Variants in AGBL1 observed in about 807,000 individuals in gnomAD.
AGBL1 encodes the protein cytosolic carboxypeptidase 4.
Under a neutral mutation model 118.9 loss-of-function variants are expected in AGBL1, and 130 were observed. The observed-to-expected ratio is 1.09, with a 90% CI of 0.95 to 1.26. AGBL1 has a LOEUF of 1.26. Ranked by LOEUF, AGBL1 falls within the 50% of genes most tolerant of loss-of-function variation. AGBL1 has a pLI of 0.00. For missense variants in AGBL1, 1,584 were observed against 1,298.1 expected (o/e 1.22, Z -3.38); for synonymous variants, 555 against 478.9 (o/e 1.16, Z -2.08).
At chr15:86,763,538 T>C (rs2078056577) in intron 22 of AGBL1, among the ~76,000 whole-genome samples, 1 of 151,996 alleles carries the variant, frequency 6.6e-6, no homozygotes, top group African/African-American at 2.4e-5. Flanking sequence ...GCTATAGGAC[T>C]TCAGAGATTG....
intron 22 of AGBL1, among the ~76,000 whole-genome samples, chr15:86,836,586 C>T (rs1186529080): frequency 1.3e-5 from 2 of 152,136 alleles, no homozygotes; most frequent in Admixed American, 6.5e-5. Flanking sequence ...TTATCTTCTC[C>T]TTCAAGCCAT....
At chr15:86,284,472 A>C (rs2079409661) in intron 16 of AGBL1, among the ~76,000 whole-genome samples, 1 of 152,164 alleles carries the variant, frequency 6.6e-6, no homozygotes, top group African/African-American at 2.4e-5. Flanking sequence ...GGACAGTTTG[A>C]GGAAGCTCAT....
intron 17 of AGBL1, among the ~76,000 whole-genome samples, chr15:86,350,658 C>A (rs923467199): frequency 4.6e-5 from 7 of 152,112 alleles, no homozygotes; most frequent in Non-Finnish European, 1.0e-4. Context: ...GGGCCATGGT[C>A]TCAGGAGTCC....
intron 22 of AGBL1, among the ~76,000 whole-genome samples, chr15:86,781,496 A>G (rs1265724370): frequency 4.6e-5 from 7 of 152,208 alleles, no homozygotes; most frequent in Admixed American, 3.9e-4. Context: ...GCTCAAAACC[A>G]GTAATTATCA....
intron 23 of AGBL1, among the ~76,000 whole-genome samples, chr15:86,922,769 A>G (rs2080493494): frequency 6.6e-6 from 1 of 152,272 alleles, no homozygotes; most frequent in African/African-American, 2.4e-5. Context: ...ATTCATAATG[A>G]AACAATCCAG....
At chr15:86,444,313 G>A (rs191134151) in intron 18 of AGBL1, among the ~76,000 whole-genome samples, 306 of 152,142 alleles carry the variant, frequency 2.0e-3, no homozygotes, top group African/African-American at 7.0e-3. Context: ...AGAATATCCC[G>A]CCCCAATAAG....
intron 19 of AGBL1, among the ~76,000 whole-genome samples, chr15:86,527,948 C>G (rs2083289138): frequency 6.6e-6 from 1 of 152,190 alleles, no homozygotes; most frequent in Non-Finnish European, 1.5e-5. Flanking sequence ...TCCATTCATC[C>G]ATCCAACCAC....
chr15:86,442,912 G>A (rs2082081148), intron 18 of AGBL1, among the ~76,000 whole-genome samples: 2 of 152,200 alleles, frequency 1.3e-5, no homozygotes, highest in Admixed American at 1.3e-4. Flanking sequence ...CTGTGTAGAA[G>A]GGTTTCTCCT....
chr15:86,973,635 A>G (rs1160136109), intron 23 of AGBL1, among the ~76,000 whole-genome samples: 1 of 151,898 alleles, frequency 6.6e-6, no homozygotes, highest in East Asian at 1.9e-4. Flanking sequence ...TTACACAGAC[A>G]TAGCCATAGT....
intron 23 of AGBL1, among the ~76,000 whole-genome samples, chr15:86,960,963 G>A (rs144120265): frequency 1.2e-4 from 19 of 152,122 alleles, no homozygotes; most frequent in African/African-American, 3.9e-4. Context: ...TTGGTTAAGG[G>A]TCTCCAAACT....
intron 18 of AGBL1, among the ~76,000 whole-genome samples, chr15:86,483,562 G>A (rs1243541502): frequency 2.0e-5 from 3 of 152,068 alleles, no homozygotes; most frequent in Non-Finnish European, 4.4e-5. Context: ...TGTCCCTTCA[G>A]TCCATTAGGG....
intron 22 of AGBL1, among the ~76,000 whole-genome samples, chr15:86,870,842 G>C (rs1470650809): frequency 1.3e-5 from 2 of 152,132 alleles, no homozygotes; most frequent in Admixed American, 6.5e-5. Flanking sequence ...GATGATATTG[G>C]ATCTGATCTT....
intron 1 of AGBL1, among the ~76,000 whole-genome samples, chr15:86,101,276 A>G (rs773432321): frequency 5.2e-4 from 79 of 152,148 alleles, no homozygotes; most frequent in Admixed American, 1.6e-3. Context: ...TCGTCCTAAC[A>G]TTTGGTCTAT....
intron 22 of AGBL1, among the ~76,000 whole-genome samples, chr15:86,825,940 G>A (rs1296348389): frequency 1.3e-5 from 2 of 151,286 alleles, no homozygotes; most frequent in South Asian, 2.1e-4. Context: ...TAGATAGACA[G>A]ATGAGATAAA....
intron 3 of AGBL1, among the ~76,000 whole-genome samples, chr15:86,148,145 A>G (rs2077056895): frequency 6.6e-6 from 1 of 152,216 alleles, no homozygotes; most frequent in African/African-American, 2.4e-5. Flanking sequence ...TCAAAGACCA[A>G]AGGTAGATAA....
intron 17 of AGBL1, among the ~76,000 whole-genome samples, chr15:86,305,744 C>T (rs775640593): frequency 1.5e-4 from 23 of 152,130 alleles, no homozygotes; most frequent in Non-Finnish European, 2.5e-4. Flanking sequence ...CACATACTGA[C>T]GCATGAATAC....
intron 9 of AGBL1, among the ~76,000 whole-genome samples, chr15:86,259,649 T>A (rs112845444): frequency 4.6e-5 from 7 of 152,364 alleles, no homozygotes; most frequent in South Asian, 2.1e-4. Flanking sequence ...CTGGGTTTTG[T>A]TGATAAATAG....
At chr15:86,288,210 T>TA (rs1258114028) in intron 16 of AGBL1, among the ~76,000 whole-genome samples, 1 of 152,166 alleles carries the variant, frequency 6.6e-6, no homozygotes, top group Non-Finnish European at 1.5e-5. Context: ...CAAATGTTTA[T>TA]AAAAATCTTA....
chr15:86,085,392 C>T (rs1343387904), intron 1 of AGBL1, among the ~76,000 whole-genome samples: 2 of 152,090 alleles, frequency 1.3e-5, no homozygotes, highest in Non-Finnish European at 2.9e-5. Context: ...GAAGTTTGGC[C>T]AAATGCTGGA....
Sources: gnomAD v4.1 joint callset for allele counts (sites outside exome capture counted in the v4.1 genomes callset) on GRCh38, gnomAD v4.1.1 for gene constraint, MANE v1.5 for transcripts, NCBI Gene and HGNC (gene_info 2026-07-23, HGNC 2026-07-21) for gene names.